NUP107: variants seen among roughly 807,000 people sequenced by gnomAD.
The protein encoded by NUP107 is nuclear pore complex protein Nup107.
Under a neutral mutation model 141.0 loss-of-function variants are expected in NUP107, and 101 were observed. The ratio of observed to expected loss-of-function variants is 0.72; its 90% CI spans 0.61 to 0.84. NUP107 has a LOEUF of 0.84. Ranked by LOEUF, NUP107 falls within the 40% of genes least tolerant of loss-of-function variation. The pLI is 0.00. For synonymous variants in NUP107, 319 were observed against 363.9 expected (o/e 0.88, Z 1.41); for missense variants, 941 against 1,102.7 (o/e 0.85, Z 2.08).
At chr12:68,731,853 G>A (rs904453579) in intron 22 of NUP107, 134 bp downstream of exon 22, 5 of 507,732 alleles carry the variant, frequency 9.8e-6, no homozygotes, top group Middle Eastern at 4.0e-4. Flanking sequence ...TGTCAGCCCA[G>A]ACCTTTTAAA....
Position 68,719,559 on chromosome 12 carries a change from T to C in NUP107, c.1175-19T>C. ...AAGGTCTTATTTTAAACCAGAAATT[T>C]TCTTTTGCTATTTTATAGGAACAGA... On this transcript the variant is annotated intron_variant, in intron 13 of 27. Transcript: ENST00000229179. 6.3e-7 allele frequency: 1 copy of C among 1,597,972 alleles called. No homozygotes were observed. Among genetic ancestry groups the C allele is most frequent in the Non-Finnish European group, 8.6e-7 (1 of 1,168,740 alleles).
intron 8 of NUP107, among the ~76,000 whole-genome samples, chr12:68,708,348 G>A (rs1157591829): frequency 6.6e-6 from 1 of 152,034 alleles, no homozygotes; most frequent in African/African-American, 2.4e-5. Flanking sequence ...AGTCCATGTA[G>A]CTTTTCTCCT....
intron 1 of NUP107, chr12:68,687,339 C>G: frequency 1.3e-6 from 1 of 759,808 alleles, no homozygotes; most frequent in East Asian, 3.3e-5. Context: ...CAACACTGTT[C>G]GCTCCTGGGG....
At chr12:68,741,102 G>A (rs1247321694) in intron 26 of NUP107, among the ~76,000 whole-genome samples, 1 of 151,784 alleles carries the variant, frequency 6.6e-6, no homozygotes, top group Non-Finnish European at 1.5e-5. Flanking sequence ...TATGTGGTTG[G>A]TTACTTTCTA....
intron 14 of NUP107, 69 bp from the exon 15 acceptor site, chr12:68,721,049 C>T: frequency 1.9e-6 from 2 of 1,052,474 alleles, no homozygotes; most frequent in South Asian, 2.7e-5. Context: ...CAAGACTCCA[C>T]ATTATGAGGA....
intron 7 of NUP107, among the ~76,000 whole-genome samples, 153 bp from the exon 8 acceptor site, chr12:68,702,583 T>A (rs1876382731): frequency 6.6e-6 from 1 of 152,088 alleles, no homozygotes; most frequent in South Asian, 2.1e-4. Flanking sequence ...CATTTTTGTT[T>A]ACAAAAATAC....
At chr12:68,719,725 G>A (rs945086715) in intron 14 of NUP107, 71 bp downstream of exon 14, 2 of 1,085,120 alleles carry the variant, frequency 1.8e-6, no homozygotes, top group Non-Finnish European at 2.8e-6. Flanking sequence ...CAGGGGCTGT[G>A]AAACATTGAA....
chr12:68,742,058 G>T lies in NUP107; in HGVS notation c.2670+78G>T, dbSNP rs147511914. On this transcript the variant is annotated intron_variant, in intron 27 of 27. Coordinates refer to ENST00000229179, the MANE Select transcript of NUP107 (RefSeq NM_020401.4). ...AGTAATATTAATTTTGTGAAGATGT[G>T]TTTACATTTGTAATTGCTCTTGGAT... 234 of 1,141,558 alleles carry T rather than the reference G, an allele frequency of 2.0e-4. 1 individual carries two copies. The African/African-American group carries it at 3.2e-3, about 16-fold the overall frequency. The allele number at this position is 1,141,558 out of a possible 1,614,324, so 70.7% of individuals were successfully genotyped here. A position where few individuals can be genotyped will look rare whatever the true frequency, so the allele number is the denominator to read the frequency against.
At position 68,717,289 on chromosome 12, in the gene NUP107, A is replaced by G. The variant is rs150579968; in HGVS notation, c.1083+1549A>G. On this transcript the variant is annotated intron_variant, in intron 12 of 27. Coordinates refer to ENST00000229179, the MANE Select transcript of NUP107 (RefSeq NM_020401.4). ...AAGGTCTCACTAGCTTTATAAAACC[A>G]CAGATAGTGAGTGTTTTGTATTTAC... Among the ~76,000 whole-genome samples, 371 of 152,324 alleles carry G rather than the reference A, an allele frequency of 2.4e-3. 4 individuals are homozygous for G. Among genetic ancestry groups the G allele is most frequent in the African/African-American group, 8.7e-3 (362 of 41,578 alleles).
chr12:68,731,171 A>T lies in NUP107; in HGVS notation c.1796A>T (p.Asp599Val), dbSNP rs758576483. Reference sequence around the variant, plus strand: ...TTTTATACCTGTCATTTGCCTCAAGACCTAGCTGTTGCCCAGTATGCATTA... The same window carrying T: ...TTTTATACCTGTCATTTGCCTCAAGTCCTAGCTGTTGCCCAGTATGCATTA... ...IAFYTCHLPQ[D>V]LAVAQYALFL... The change falls in exon 21 of 28, where the codon GAC becomes GTC. Residue 599 changes from aspartate (D) to valine (V), a missense_variant. Coordinates refer to ENST00000229179, the MANE Select transcript of NUP107 (RefSeq NM_020401.4). The T allele has an allele frequency of 8.1e-6, 13 of 1,612,002 alleles. No individual in the cohort carries two copies. Among genetic ancestry groups the T allele is most frequent in the Non-Finnish European group, 1.1e-5 (13 of 1,178,940 alleles).
At chr12:68,741,681 C>G in intron 26 of NUP107, 132 bp from the exon 27 acceptor site, 2 of 675,846 alleles carry the variant, frequency 3.0e-6, no homozygotes, top group Non-Finnish European at 2.4e-6. Flanking sequence ...CTACGTTGTT[C>G]ATCTTCATAC....
rs1592523703 is a variant in NUP107 at position 68,735,967 on chromosome 12, T to C, written c.2502+623T>C. Among the ~76,000 whole-genome samples, 3 of 152,292 alleles carry C rather than the reference T, an allele frequency of 2.0e-5. No individual in the cohort carries two copies. In the Middle Eastern group the frequency reaches 0.01, roughly 518 times the overall value. ...AGGGAACTGGAACGTATGCTTGAAA[T>C]GTATAGCATTTGACTGAATCTTGAA... On this transcript the variant is annotated intron_variant, in intron 26 of 27. Coordinates refer to ENST00000229179, the MANE Select transcript of NUP107 (RefSeq NM_020401.4).
At chr12:68,713,870 G>T (rs1307691664) in intron 11 of NUP107, 62 bp downstream of exon 11, 2 of 1,329,916 alleles carry the variant, frequency 1.5e-6, no homozygotes, top group Non-Finnish European at 1.1e-6. Flanking sequence ...TTCAGGCTGA[G>T]AATTTTTTCT....
chr12:68,688,909 T>C, intron 1 of NUP107, 53 bp from the exon 2 acceptor site: 2 of 1,359,988 alleles, frequency 1.5e-6, no homozygotes, highest in South Asian at 1.2e-5. Context: ...TAAAATTCTT[T>C]ATAAATGCTA....
Position 68,719,584 on chromosome 12 carries a change from A to G in NUP107, c.1181A>G (p.Glu394Gly), listed in dbSNP as rs899872828. The G allele has an allele frequency of 2.5e-6, 4 of 1,611,642 alleles. No individual in the cohort carries two copies. Among genetic ancestry groups the G allele is most frequent in the Non-Finnish European group, 3.4e-6 (4 of 1,178,174 alleles). Residue 394 changes from glutamate to glycine, a missense_variant, in exon 14 of 28, where the codon GAA (glutamate) becomes GGA (glycine). Coordinates refer to ENST00000229179, the MANE Select transcript of NUP107 (RefSeq NM_020401.4). ...TTCTTTTGCTATTTTATAGGAACAGAATTAGAACCTGTTGAAGGGAATCCA... is the reference window on the plus strand; with the variant it reads ...TTCTTTTGCTATTTTATAGGAACAGGATTAGAACCTGTTGAAGGGAATCCA... ...YHDPNVNGGT[E>G]LEPVEGNPYR...
intron 8 of NUP107, chr12:68,705,587 G>C (rs553935639): frequency 6.5e-6 from 2 of 309,320 alleles, no homozygotes; most frequent in East Asian, 7.6e-5. Context: ...GTTCCTTCTC[G>C]AATCTCCGCC....
intron 8 of NUP107, among the ~76,000 whole-genome samples, chr12:68,703,811 A>G (rs1876450975): frequency 6.6e-6 from 1 of 152,194 alleles, no homozygotes; most frequent in Admixed American, 6.6e-5. Context: ...GGTTTTTACC[A>G]TATTTTTTCA....
At chr12:68,728,882 T>C (rs1877690696) in intron 20 of NUP107, among the ~76,000 whole-genome samples, 1 of 152,184 alleles carries the variant, frequency 6.6e-6, no homozygotes, top group Non-Finnish European at 1.5e-5. Flanking sequence ...GAATTGTCTA[T>C]TTGAAATGGA....
At chr12:68,735,596 T>A (rs1358324525) in intron 26 of NUP107, among the ~76,000 whole-genome samples, 1 of 152,224 alleles carries the variant, frequency 6.6e-6, no homozygotes, top group East Asian at 1.9e-4. Flanking sequence ...ATTCTGGACC[T>A]AAAAATTTAA....
Sources: gnomAD v4.1 joint callset for allele counts (sites outside exome capture counted in the v4.1 genomes callset) on GRCh38, gnomAD v4.1.1 for gene constraint, MANE v1.5 for transcripts, NCBI Gene and HGNC (gene_info 2026-07-23, HGNC 2026-07-21) for gene names.